IL1RAPL1: variants seen among roughly 807,000 people sequenced by gnomAD.
The protein encoded by IL1RAPL1 is interleukin 1 receptor accessory protein like 1.
In IL1RAPL1, 3 loss-of-function variants were observed where a neutral mutation model predicts 48.4. That is an observed-to-expected ratio of 0.06 (90% CI 0.03 to 0.16). The LOEUF (loss-of-function observed/expected upper bound fraction) is 0.16. Ranked by LOEUF, IL1RAPL1 falls within the 10% of genes least tolerant of loss-of-function variation. IL1RAPL1 has a pLI of 1.00. For synonymous variants in IL1RAPL1, 185 were observed against 187.7 expected (o/e 0.99, Z 0.12); for missense variants, 349 against 530.6 (o/e 0.66, Z 3.36).
chrX:28,816,924 A>G (rs1479052320), intron 2 of IL1RAPL1, among the ~76,000 whole-genome samples: 6 of 110,334 alleles, frequency 5.4e-5, no homozygotes. Context: ...TTGACTTTCT[A>G]ATAATAGCCA....
At chrX:29,551,254 G>A (rs1258011664) in intron 5 of IL1RAPL1, among the ~76,000 whole-genome samples, 1 of 112,054 alleles carries the variant, frequency 8.9e-6, no homozygotes, top group Non-Finnish European at 1.9e-5. Context: ...TGGCTATTGT[G>A]AATAGTGCTA....
rs771670532 is a variant in IL1RAPL1, at chrX:28,759,170, G to A, written c.-24-30150G>A. 2.4e-4 allele frequency among the ~76,000 whole-genome samples: 27 copies of A among 110,739 alleles called. No homozygotes were observed. In the South Asian group the frequency reaches 7.7e-3, roughly 32 times the overall value. On this transcript the variant is annotated intron_variant, in intron 1 of 10. Transcript: ENST00000378993. ...GGAGAATCGCTTGATCCCGGGAGGC[G>A]GAAGTTGCAGTGAGGTGAGATCACG...
At chrX:28,957,730 G>A (rs1002686944) in intron 2 of IL1RAPL1, among the ~76,000 whole-genome samples, 4 of 109,623 alleles carry the variant, frequency 3.6e-5, no homozygotes, top group African/African-American at 6.6e-5. Context: ...GGGAGGCCGA[G>A]GGGGGTGGAT....
At chrX:28,608,139 T>A (rs1155334) in intron 1 of IL1RAPL1, among the ~76,000 whole-genome samples, 50,227 of 110,400 alleles carry the variant, frequency 0.45, 8,258 homozygotes, top group East Asian at 0.62. Context: ...CTTGTGTACA[T>A]TGCTTTGACT....
At chrX:29,389,252 AG>A (rs1168386605) in intron 3 of IL1RAPL1, among the ~76,000 whole-genome samples, 1 of 104,335 alleles carries the variant, frequency 9.6e-6, no homozygotes, top group African/African-American at 3.5e-5. Flanking sequence ...GCTACTTGGG[AG>A]GCTGAGGCAG....
chrX:28,809,196 C>T (rs1936763227), intron 2 of IL1RAPL1, among the ~76,000 whole-genome samples: 1 of 109,638 alleles, frequency 9.1e-6, no homozygotes, highest in South Asian at 3.8e-4. Flanking sequence ...ATTTAATACT[C>T]ATTCAACATA....
chrX:29,950,601 C>T (rs1323620474), intron 9 of IL1RAPL1, among the ~76,000 whole-genome samples: 1 of 111,021 alleles, frequency 9.0e-6, no homozygotes, highest in Non-Finnish European at 1.9e-5. Context: ...CTCAGCCCTC[C>T]AAATGATGGT....
intron 3 of IL1RAPL1, among the ~76,000 whole-genome samples, chrX:29,304,977 T>C (rs944586605): frequency 4.5e-5 from 5 of 112,242 alleles, no homozygotes; most frequent in African/African-American, 1.6e-4. Context: ...GAAGTACTTA[T>C]GATGTCTGTG....
chrX:29,903,191 A>T (rs1932531642), intron 6 of IL1RAPL1, among the ~76,000 whole-genome samples: 1 of 108,768 alleles, frequency 9.2e-6, no homozygotes, highest in South Asian at 3.9e-4. Flanking sequence ...TGTGAGAGAG[A>T]GAGAGAGAGA....
chrX:29,864,339 T>G (rs748920655), intron 6 of IL1RAPL1, among the ~76,000 whole-genome samples: 11 of 112,389 alleles, frequency 9.8e-5, no homozygotes, highest in Non-Finnish European at 1.7e-4. Flanking sequence ...TTTGGAAATC[T>G]CCAAGAAGGA....
intron 2 of IL1RAPL1, among the ~76,000 whole-genome samples, chrX:29,186,529 A>G (rs1205976081): frequency 9.0e-6 from 1 of 111,695 alleles, no homozygotes; most frequent in African/African-American, 3.2e-5. Flanking sequence ...AAGATAGAAT[A>G]TAAGAAAAAG....
intron 2 of IL1RAPL1, among the ~76,000 whole-genome samples, chrX:29,098,317 TACTC>T (rs1928259396): frequency 9.0e-6 from 1 of 111,699 alleles, no homozygotes; most frequent in Non-Finnish European, 1.9e-5. Flanking sequence ...GTCTTCTACT[TACTC>T]ATTGCATCCC....
intron 2 of IL1RAPL1, among the ~76,000 whole-genome samples, chrX:29,234,761 G>T (rs761456381): frequency 2.7e-5 from 3 of 112,210 alleles, no homozygotes; most frequent in Admixed American, 9.5e-5. Context: ...CTTGGAAGAT[G>T]TATGACTTTA....
chrX:29,891,957 G>A (rs1932282684), intron 6 of IL1RAPL1, among the ~76,000 whole-genome samples: 1 of 111,884 alleles, frequency 8.9e-6, no homozygotes, highest in Non-Finnish European at 1.9e-5. Context: ...CTAACACTGG[G>A]AGATAGTCTA....
At chrX:29,734,157 T>C (rs768820956) in intron 6 of IL1RAPL1, among the ~76,000 whole-genome samples, 1 of 112,841 alleles carries the variant, frequency 8.9e-6, no homozygotes, top group Non-Finnish European at 1.9e-5. Flanking sequence ...ATTTTCTCTC[T>C]GTTATTTGGA....
chrX:29,426,657 A>G (rs997735952), intron 5 of IL1RAPL1, among the ~76,000 whole-genome samples: 17 of 112,096 alleles, frequency 1.5e-4, no homozygotes, highest in African/African-American at 4.8e-4. Context: ...GATTAAATAA[A>G]TTAATACATG....
chrX:29,041,510 C>T (rs1470269565), intron 2 of IL1RAPL1, among the ~76,000 whole-genome samples: 2 of 111,829 alleles, frequency 1.8e-5, no homozygotes, highest in Non-Finnish European at 3.8e-5. Context: ...TACAGTTAAA[C>T]GATGATGTGT....
intron 6 of IL1RAPL1, among the ~76,000 whole-genome samples, chrX:29,863,564 C>T (rs1931633764): frequency 9.0e-6 from 1 of 111,208 alleles, no homozygotes; most frequent in Admixed American, 9.4e-5. Flanking sequence ...AGGGTTCTCT[C>T]ATGAGAGAAA....
At chrX:29,421,941 A>C (rs1047095078) in intron 5 of IL1RAPL1, among the ~76,000 whole-genome samples, 8 of 111,766 alleles carry the variant, frequency 7.2e-5, no homozygotes, top group Non-Finnish European at 1.5e-4. Context: ...ACCCTGAAAA[A>C]TCAACTCACA....
Sources: allele counts gnomAD v4.1 joint callset (sites outside exome capture counted in the v4.1 genomes callset), GRCh38; gene constraint gnomAD v4.1.1; transcripts MANE v1.5; gene names NCBI Gene and HGNC (gene_info 2026-07-23, HGNC 2026-07-21).